SIPA1L1: variants seen among roughly 807,000 people sequenced by gnomAD.
SIPA1L1 encodes the protein signal induced proliferation associated 1 like 1.
SIPA1L1 carries 26 observed loss-of-function variants against 162.7 expected under a neutral mutation model. The ratio of observed to expected loss-of-function variants is 0.16; its 90% CI spans 0.12 to 0.22. The LOEUF is 0.22. Ranked by LOEUF, SIPA1L1 falls within the 10% of genes least tolerant of loss-of-function variation. The pLI is 1.00. For synonymous variants in SIPA1L1, 829 were observed against 837.4 expected, an observed-to-expected ratio of 0.99 and a Z score of 0.17; for missense variants, 1,874 against 2,241.0, an observed-to-expected ratio of 0.84 and a Z score of 3.31.
chr14:71,463,684 C>T (rs2046776772), intron 2 of SIPA1L1, among the ~76,000 whole-genome samples: 1 of 152,148 alleles, frequency 6.6e-6, no homozygotes, highest in Non-Finnish European at 1.5e-5. Context: ...TAAACTGGCT[C>T]AAGTCCGGAA....
intron 5 of SIPA1L1, among the ~76,000 whole-genome samples, chr14:71,605,761 G>T (rs1317342732): frequency 6.6e-6 from 1 of 152,210 alleles, no homozygotes; most frequent in Non-Finnish European, 1.5e-5. Flanking sequence ...AGTGGTAGCA[G>T]TGTTGGACTG....
intron 3 of SIPA1L1, among the ~76,000 whole-genome samples, chr14:71,528,092 C>T (rs2145205307): frequency 6.6e-6 from 1 of 152,254 alleles, no homozygotes; most frequent in African/African-American, 2.4e-5. Context: ...ATTCCAGCAT[C>T]TTAAAAATCT....
Position 71,716,043 on chromosome 14 carries a change from C to T in SIPA1L1, c.4208+6379C>T, listed in dbSNP as rs368548751. On this transcript the variant is annotated intron_variant, in intron 17 of 23. Coordinates refer to ENST00000381232, the MANE Select transcript of SIPA1L1 (RefSeq NM_001386936.1). ...CCCTATGCTGTATGTATTAATATGC[C>T]CTTATACTGTTAAATTTCTGCCTTT... Among the ~76,000 whole-genome samples the T allele has an allele frequency of 1.1e-4, 16 of 152,228 alleles. No individual in the cohort carries two copies. In the East Asian group the frequency reaches 1.9e-3, roughly 18 times the overall value.
At chr14:71,552,341 A>G (rs887108527) in intron 4 of SIPA1L1, among the ~76,000 whole-genome samples, 7 of 151,876 alleles carry the variant, frequency 4.6e-5, no homozygotes, top group Non-Finnish European at 1.0e-4. Context: ...TACTGATTTT[A>G]TGTTAGCTAA....
chr14:71,707,925 G>C (rs1181068990), intron 16 of SIPA1L1, among the ~76,000 whole-genome samples: 6 of 150,804 alleles, frequency 4.0e-5, no homozygotes, highest in Admixed American at 1.3e-4. Context: ...TATAGCCAAA[G>C]TGGCATCTCG....
At chr14:71,605,535 G>A (rs1012649593) in intron 5 of SIPA1L1, among the ~76,000 whole-genome samples, 1 of 152,070 alleles carries the variant, frequency 6.6e-6, no homozygotes, top group African/African-American at 2.4e-5. Context: ...TCATGGGGAC[G>A]GACTTTTTCT....
intron 2 of SIPA1L1, among the ~76,000 whole-genome samples, chr14:71,421,374 C>T (rs1166801617): frequency 6.6e-6 from 1 of 152,056 alleles, no homozygotes; most frequent in African/African-American, 2.4e-5. Context: ...AGGAGGATTG[C>T]TTGAGGCCAG....
chr14:71,373,409 G>A (rs564312068), intron 2 of SIPA1L1, among the ~76,000 whole-genome samples: 11 of 151,942 alleles, frequency 7.2e-5, no homozygotes, highest in African/African-American at 2.7e-4. Flanking sequence ...GATCACTTGA[G>A]GTCAGGAGTT....
intron 6 of SIPA1L1, among the ~76,000 whole-genome samples, chr14:71,621,253 A>G (rs2148539886): frequency 6.6e-6 from 1 of 152,284 alleles, no homozygotes; most frequent in East Asian, 1.9e-4. Flanking sequence ...AGATCTTGCC[A>G]TTGCTCAGTT....
intron 2 of SIPA1L1, among the ~76,000 whole-genome samples, chr14:71,329,527 A>T (rs769307968): frequency 4.6e-4 from 69 of 150,538 alleles, no homozygotes; most frequent in Non-Finnish European, 8.7e-4. Context: ...TGCAACGTCC[A>T]CCTCCCGGGC....
At chr14:71,425,651 C>T (rs1328459590) in intron 2 of SIPA1L1, among the ~76,000 whole-genome samples, 4 of 152,032 alleles carry the variant, frequency 2.6e-5, no homozygotes, top group Admixed American at 1.3e-4. Context: ...TGGAAAATAT[C>T]CCATATGCTT....
At chr14:71,497,804 G>A (rs67489015) in intron 2 of SIPA1L1, 25,133 of 152,240 alleles carry the variant, frequency 0.17, 2,680 homozygotes, top group Middle Eastern at 0.35. Context: ...GAGCTGCTAT[G>A]AACATTTGTG....
chr14:71,578,116 G>GGCC (rs1171135254), intron 4 of SIPA1L1, among the ~76,000 whole-genome samples: 1 of 152,094 alleles, frequency 6.6e-6, no homozygotes, highest in East Asian at 1.9e-4. Context: ...TCACCATGTG[G>GGCC]GCCAGGCTGA....
At chr14:71,411,414 T>C (rs900074789) in intron 2 of SIPA1L1, among the ~76,000 whole-genome samples, 4 of 152,198 alleles carry the variant, frequency 2.6e-5, no homozygotes, top group African/African-American at 7.2e-5. Flanking sequence ...TAGCCATTGA[T>C]AGATATTGAG....
chr14:71,718,239 A>G (rs1240730907), intron 17 of SIPA1L1, among the ~76,000 whole-genome samples: 1 of 152,236 alleles, frequency 6.6e-6, no homozygotes, highest in East Asian at 1.9e-4. Context: ...GGCCCTGTGT[A>G]CTGAAGTGCA....
At position 71,481,435 on chromosome 14, in the gene SIPA1L1, C is replaced by T. The variant is rs1427395807; in HGVS notation, c.-464-31308C>T. Among the ~76,000 whole-genome samples, 8 of 152,112 alleles carry T rather than the reference C, an allele frequency of 5.3e-5. No homozygotes were observed. In the East Asian group the frequency reaches 1.3e-3, roughly 26 times the overall value. Reference sequence around the variant, plus strand: ...CAGAGGTTGCAGTGAACTGAGATGGCTCCATTGCACACCAGTTGCATTCTA... The same window carrying T: ...CAGAGGTTGCAGTGAACTGAGATGGTTCCATTGCACACCAGTTGCATTCTA... On this transcript the variant is annotated intron_variant, in intron 2 of 23. Transcript: ENST00000381232.
At chr14:71,634,201 G>A (rs1244261422) in intron 7 of SIPA1L1, among the ~76,000 whole-genome samples, 2 of 151,852 alleles carry the variant, frequency 1.3e-5, no homozygotes, top group Non-Finnish European at 2.9e-5. Context: ...GGGAGTTTGA[G>A]ACCAGACTGC....
intron 2 of SIPA1L1, among the ~76,000 whole-genome samples, chr14:71,340,811 T>C (rs1011369034): frequency 6.6e-5 from 10 of 152,160 alleles, no homozygotes; most frequent in Admixed American, 3.3e-4. Flanking sequence ...TGGTGGTGCA[T>C]GCCTGTAGTC....
intron 2 of SIPA1L1, among the ~76,000 whole-genome samples, chr14:71,329,094 G>A (rs1299050787): frequency 6.6e-6 from 1 of 152,170 alleles, no homozygotes; most frequent in African/African-American, 2.4e-5. Flanking sequence ...TTTGTAGCAT[G>A]TGACAGGATT....
Sources: allele counts gnomAD v4.1 joint callset (sites outside exome capture counted in the v4.1 genomes callset), GRCh38; gene constraint gnomAD v4.1.1; transcripts MANE v1.5; gene names NCBI Gene and HGNC (gene_info 2026-07-23, HGNC 2026-07-21).